HSPG2: variants seen among roughly 807,000 people sequenced by gnomAD.
The protein encoded by HSPG2 is heparan sulfate proteoglycan 2, also known as basement membrane-specific heparan sulfate proteoglycan core protein.
Under a neutral mutation model 526.6 loss-of-function variants are expected in HSPG2, and 278 were observed. The observed-to-expected ratio is 0.53, with a 90% CI of 0.48 to 0.58. HSPG2 has a LOEUF of 0.58. HSPG2 is among the 20% of genes least tolerant of loss of function. The pLI, the probability that HSPG2 is intolerant of heterozygous loss-of-function variation, is 0.00. For synonymous variants in HSPG2, 2,465 were observed against 2,555.4 expected (o/e 0.96, Z 1.07); for missense variants, 5,354 against 6,099.5 (o/e 0.88, Z 4.07).
intron 13 of HSPG2, among the ~76,000 whole-genome samples, chr1:21,883,192 T>G (rs1401982561): frequency 6.6e-6 from 1 of 152,224 alleles, no homozygotes; most frequent in African/African-American, 2.4e-5. Context: ...GCCCTGACCT[T>G]GCAAGGGTTT....
intron 1 of HSPG2, among the ~76,000 whole-genome samples, chr1:21,928,546 T>C (rs1415163445): frequency 2.6e-5 from 4 of 152,208 alleles, no homozygotes. Flanking sequence ...GTTCAAGCGA[T>C]TCTCCTACCT....
intron 67 of HSPG2, 121 bp downstream of exon 67, chr1:21,842,649 A>C: frequency 7.5e-7 from 1 of 1,330,514 alleles, no homozygotes; most frequent in Non-Finnish European, 1.1e-6. Context: ...TCGTCCCGCA[A>C]ACGTATTTTA....
chr1:21,842,471 T>A, intron 67 of HSPG2, 91 bp from the exon 68 acceptor site: 1 of 1,404,496 alleles, frequency 7.1e-7, no homozygotes, highest in Non-Finnish European at 9.5e-7. Flanking sequence ...CCAAGAGTTC[T>A]CTCGGAAGCT....
intron 45 of HSPG2, 30 bp downstream of exon 45, chr1:21,855,757 C>T: frequency 6.2e-7 from 1 of 1,611,482 alleles, no homozygotes; most frequent in Non-Finnish European, 8.5e-7. Context: ...GAGAGTCAGG[C>T]CTTGAATGTC....
At position 21,854,381 on chromosome 1, in the gene HSPG2, A is replaced by T. The variant is rs966446451; in HGVS notation, c.6289-38T>A. 8.4e-6 allele frequency: 13 copies of T among 1,553,952 alleles called. No homozygotes were observed. In the South Asian group the frequency reaches 1.3e-4, roughly 16 times the overall value. On this transcript the variant is annotated intron_variant, in intron 49 of 96. Transcript: ENST00000374695. Reference sequence around the variant, plus strand: ...GAGCCAGAGGTACGTGAGGACAGGGACGGGGGCTATTGTCACCACTCCCTC... The same window carrying T: ...GAGCCAGAGGTACGTGAGGACAGGGTCGGGGGCTATTGTCACCACTCCCTC...
chr1:21,925,232 C>T (rs1644155257), intron 1 of HSPG2, among the ~76,000 whole-genome samples: 1 of 152,236 alleles, frequency 6.6e-6, no homozygotes, highest in South Asian at 2.1e-4. Context: ...ACAGCAGGTC[C>T]TCAGGCAGCA....
intron 10 of HSPG2, 51 bp downstream of exon 10, chr1:21,885,269 C>A (rs1373916210): frequency 6.2e-7 from 1 of 1,612,704 alleles, no homozygotes; most frequent in Non-Finnish European, 8.5e-7. Flanking sequence ...GTGGACAGAA[C>A]CCCTAGAACC....
chr1:21,855,934 C>A lies in HSPG2; in HGVS notation c.5576-22G>T. On this transcript the variant is annotated intron_variant, in intron 44 of 96. Transcript: ENST00000374695. Reference sequence around the variant, plus strand: ...GAGGCTGACAAGGGAGGAAAAGGAACATGCACTCAGGGTGGGGAGTGTCGT... The same window carrying A: ...GAGGCTGACAAGGGAGGAAAAGGAAAATGCACTCAGGGTGGGGAGTGTCGT... 3.1e-6 allele frequency: 5 copies of A among 1,604,630 alleles called. No homozygotes were observed. In the South Asian group the frequency reaches 5.5e-5, roughly 18 times the overall value.
In HSPG2 at chr1:21,829,061, C is replaced by A; in HGVS notation, c.12011G>T (p.Ser4004Ile). ...ELGSGLAVLR[S>I]AEPLALGRWH... ...GCGGCCCAGGGCCAGCGGCTCGGCGCTCCGCAGAACGGCCAGCCCTGGGGA... is the reference window on the plus strand; with the variant it reads ...GCGGCCCAGGGCCAGCGGCTCGGCGATCCGCAGAACGGCCAGCCCTGGGGA... The change falls in exon 88 of 97, where the codon AGC becomes ATC. Residue 4004 changes from serine (S) to isoleucine (I), a missense_variant. Transcript: ENST00000374695. 1 of 1,542,396 alleles carries A rather than the reference C, an allele frequency of 6.5e-7. No homozygotes were observed. The highest frequency in any genetic ancestry group is 8.7e-7 in the Non-Finnish European group (1 of 1,146,282).
At chr1:21,853,934 C>G in intron 50 of HSPG2, 1 of 521,692 alleles carries the variant, frequency 1.9e-6, no homozygotes, top group South Asian at 2.4e-5. Flanking sequence ...TCAGCCGACT[C>G]CCAGCTTAGT....
rs1253531784 is a variant in HSPG2, at chr1:21,875,579, G to A, written c.3302+50C>T. ...CTGTGCTGTACTGCACCGCTTAGAT[G>A]GAGCCCCTCCCCAAGCCCATGCTGG... On this transcript the variant is annotated intron_variant, in intron 25 of 96. Coordinates refer to ENST00000374695, the MANE Select transcript of HSPG2 (RefSeq NM_005529.7). 2.1e-6 allele frequency: 3 copies of A among 1,406,752 alleles called. No homozygotes were observed. The East Asian group carries it at 6.8e-5, about 32-fold the overall frequency. The allele number at this position is 1,406,752 out of a possible 1,614,324, so 87.1% of individuals were successfully genotyped here. A position where few individuals can be genotyped will look rare whatever the true frequency, so the allele number is the denominator to read the frequency against.
At chr1:21,875,577 A>G in intron 25 of HSPG2, 52 bp downstream of exon 25, 1 of 1,385,336 alleles carries the variant, frequency 7.2e-7, no homozygotes, top group Non-Finnish European at 1.0e-6. Flanking sequence ...CACCGCTTAG[A>G]TGGAGCCCCT....
intron 1 of HSPG2, among the ~76,000 whole-genome samples, chr1:21,913,055 G>A (rs1005010333): frequency 2.6e-4 from 40 of 151,988 alleles, no homozygotes; most frequent in African/African-American, 9.2e-4. Flanking sequence ...AGAAGAGAGA[G>A]GAGCCTCCCA....
At position 21,847,416 on chromosome 1, in the gene HSPG2, T is replaced by A. The variant is rs777772972; in HGVS notation, c.8102A>T (p.Asn2701Ile). 9.3e-6 allele frequency: 15 copies of A among 1,613,642 alleles called. No individual in the cohort carries two copies. In the Admixed American group the frequency reaches 2.3e-4, roughly 25 times the overall value. The change falls in exon 62 of 97, where the codon AAC (asparagine) becomes ATC (isoleucine). Residue 2701 changes from asparagine to isoleucine, a missense_variant. Physicochemically the swap from Asn to Ile is moderately radical, Grantham distance 149. Transcript: ENST00000374695. This position sits in a 1 kb window ranked among gnomAD's most constrained non-coding sequence, Gnocchi z 4.1. ...SGEYVCRANNNIDALEASIVI... is the reference protein window; with the variant it reads ...SGEYVCRANNIIDALEASIVI... ...GATGGAGGCCTCCAGGGCATCGATG[T>A]TGTTGTTGGCCCGGCACACATACTC...
At chr1:21,903,030 A>G (rs912353297) in intron 1 of HSPG2, among the ~76,000 whole-genome samples, 3 of 152,242 alleles carry the variant, frequency 2.0e-5, no homozygotes, top group Admixed American at 2.0e-4. Flanking sequence ...GGACTCACGG[A>G]CAAACCAAAT....
At chr1:21,829,631 C>A in intron 86 of HSPG2, 27 bp from the exon 87 acceptor site, 2 of 1,582,906 alleles carry the variant, frequency 1.3e-6, no homozygotes, top group South Asian at 1.1e-5. Context: ...TCAGCTGAGG[C>A]AGTGGGGATC....
At chr1:21,826,633 C>T (rs767064784) in intron 91 of HSPG2, among the ~76,000 whole-genome samples, 14 of 151,916 alleles carry the variant, frequency 9.2e-5, no homozygotes, top group Non-Finnish European at 1.8e-4. Flanking sequence ...CCTCAGCCTC[C>T]GGAGTAGCTG....
At chr1:21,854,573 AC>A (rs1422106287) in intron 49 of HSPG2, 37 bp downstream of exon 49, 1 of 1,536,458 alleles carries the variant, frequency 6.5e-7, no homozygotes, top group African/African-American at 1.4e-5. Context: ...CAGCCCCTGC[AC>A]CCTGGGTCCC....
chr1:21,899,162 C>T (rs1642953494), intron 1 of HSPG2, among the ~76,000 whole-genome samples: 2 of 152,098 alleles, frequency 1.3e-5, no homozygotes, highest in African/African-American at 4.8e-5. Flanking sequence ...GTCTGAGGAT[C>T]CAGGGTCAGA....
Sources: gnomAD v4.1 joint callset for allele counts (sites outside exome capture counted in the v4.1 genomes callset) on GRCh38, gnomAD v4.1.1 for gene constraint, Gnocchi (gnomAD v3.1) non-coding constraint, MANE v1.5 for transcripts, NCBI Gene and HGNC (gene_info 2026-07-23, HGNC 2026-07-21) for gene names.